SPTLC1: variants seen among roughly 807,000 people sequenced by gnomAD.
SPTLC1 encodes serine palmitoyltransferase 1.
In SPTLC1, 55 loss-of-function variants were observed where a neutral mutation model predicts 68.9. That is an observed-to-expected ratio of 0.80 (90% CI 0.64 to 1.00). The LOEUF is 1.00. Among genes scored for constraint, SPTLC1 ranks in the 50% least tolerant of loss-of-function variants. SPTLC1 has a pLI of 0.00. For synonymous variants in SPTLC1, 197 were observed against 201.6 expected (o/e 0.98, Z 0.19); for missense variants, 449 against 573.1 (o/e 0.78, Z 2.21).
intron 12 of SPTLC1, among the ~76,000 whole-genome samples, chr9:92,045,038 G>C (rs1045509399): frequency 2.6e-5 from 4 of 152,128 alleles, no homozygotes; most frequent in African/African-American, 9.7e-5. Flanking sequence ...CAAACCAATG[G>C]AACTGGAACC....
chr9:92,068,407 G>A (rs1015941777), intron 5 of SPTLC1, among the ~76,000 whole-genome samples: 1 of 152,210 alleles, frequency 6.6e-6, no homozygotes, highest in African/African-American at 2.4e-5. Context: ...AAGTTTCCCT[G>A]CATTAACTGT....
chr9:92,106,517 C>T (rs1295160821), intron 3 of SPTLC1, among the ~76,000 whole-genome samples: 2 of 151,056 alleles, frequency 1.3e-5, no homozygotes, highest in African/African-American at 2.4e-5. Flanking sequence ...ACTGCAGTGG[C>T]ACCCAGCCTG....
Position 92,034,456 on chromosome 9 carries a change from C to T in SPTLC1, c.1328+354G>A, listed in dbSNP as rs141388399. Among the ~76,000 whole-genome samples, 23 of 152,306 alleles carry T rather than the reference C, an allele frequency of 1.5e-4. 2 individuals carry two copies. The East Asian group carries it at 2.7e-3, about 18-fold the overall frequency. ...CATGCCCACCCCCACCCCACACTGCCGATCTTCCCTGCAGGACGGTCCTTG... is the reference window on the plus strand; with the variant it reads ...CATGCCCACCCCCACCCCACACTGCTGATCTTCCCTGCAGGACGGTCCTTG... On this transcript the variant is annotated intron_variant, in intron 14 of 14. Transcript: ENST00000262554.
chr9:92,090,933 T>C (rs1284678617), intron 3 of SPTLC1, among the ~76,000 whole-genome samples: 1 of 152,126 alleles, frequency 6.6e-6, no homozygotes, highest in African/African-American at 2.4e-5. Flanking sequence ...GAACACAGGA[T>C]GGTAACCTGG....
intron 5 of SPTLC1, among the ~76,000 whole-genome samples, chr9:92,071,213 A>G (rs1304917391): frequency 2.7e-5 from 4 of 150,826 alleles, no homozygotes; most frequent in African/African-American, 7.3e-5. Flanking sequence ...AAAACGGAGA[A>G]ACCCTATCTC....
intron 3 of SPTLC1, among the ~76,000 whole-genome samples, chr9:92,096,164 T>G (rs547916187): frequency 2.8e-4 from 42 of 152,230 alleles, no homozygotes; most frequent in African/African-American, 9.9e-4. Context: ...AGAGGACTCC[T>G]CTCCTGGGAA....
Position 92,050,197 on chromosome 9 carries a change from C to T in SPTLC1, c.781-130G>A, listed in dbSNP as rs1027851786. On this transcript the variant is annotated intron_variant, in intron 8 of 14. Coordinates refer to ENST00000262554, the MANE Select transcript of SPTLC1 (RefSeq NM_006415.4). ...CTTGTGAATTCTATATGTGCAAATT[C>T]ATCTACTTATTAAAACTTATTTGCA... The T allele has an allele frequency of 2.1e-5, 14 of 676,166 alleles. No individual in the cohort carries two copies. In the African/African-American group the frequency reaches 2.5e-4, roughly 12 times the overall value. 41.9% of individuals were successfully genotyped at this position (676,166 alleles called of 1,614,324 possible).
chr9:92,078,919 TA>T (rs1172164312), intron 5 of SPTLC1: 1 of 384,310 alleles, frequency 2.6e-6, no homozygotes, highest in African/African-American at 2.2e-5. Context: ...ATCACAAAAG[TA>T]AAAAACTTAA....
chr9:92,110,420 T>C (rs1444213996), intron 2 of SPTLC1: 1 of 152,192 alleles, frequency 6.6e-6, no homozygotes, highest in Non-Finnish European at 1.5e-5. Flanking sequence ...AATAACCTTA[T>C]ACTAATAATC....
chr9:92,055,488 G>A lies in SPTLC1; in HGVS notation c.697C>T (p.Arg233Cys), dbSNP rs561346006. Residue 233 changes from arginine (R) to cysteine (C), a missense_variant, in exon 8 of 15, where the codon CGC (arginine) becomes TGC (cysteine). Coordinates refer to ENST00000262554, the MANE Select transcript of SPTLC1 (RefSeq NM_006415.4). Reference protein sequence around the residue: ...EQEIEDQKNPRKARVTRRFIV... With the variant: ...EQEIEDQKNPCKARVTRRFIV... Reference sequence around the variant, plus strand: ...AAACGCCGAGTTACACGAGCCTTGCGAGGATTCTTTAAAAGAGAAAAAGCA... The same window carrying A: ...AAACGCCGAGTTACACGAGCCTTGCAAGGATTCTTTAAAAGAGAAAAAGCA... The A allele has an allele frequency of 9.3e-6, 15 of 1,613,384 alleles. No individual in the cohort carries two copies. The highest frequency in any genetic ancestry group is 2.2e-5 in the East Asian group (1 of 44,884).
chr9:92,035,412 G>C (rs1006708738), intron 13 of SPTLC1, among the ~76,000 whole-genome samples: 1 of 152,170 alleles, frequency 6.6e-6, no homozygotes, highest in African/African-American at 2.4e-5. Flanking sequence ...AGAATCTGGC[G>C]TTAACAAAGT....
At chr9:92,108,709 A>G in intron 3 of SPTLC1, 31 bp downstream of exon 3, 3 of 1,582,190 alleles carry the variant, frequency 1.9e-6, no homozygotes, top group Non-Finnish European at 1.7e-6. Context: ...GAAGCCAAAT[A>G]CAAGTACTTC....
chr9:92,109,067 A>C, intron 2 of SPTLC1: 1 of 435,356 alleles, frequency 2.3e-6, no homozygotes. Context: ...TTGACCACTA[A>C]CAGGAGCTCT....
chr9:92,096,869 T>C (rs755348212), intron 3 of SPTLC1, among the ~76,000 whole-genome samples: 72 of 151,428 alleles, frequency 4.8e-4, no homozygotes, highest in Non-Finnish European at 8.7e-4. Context: ...AAGATCACTA[T>C]CAAAGAAGTA....
At chr9:92,057,639 C>G (rs1833942690) in intron 7 of SPTLC1, among the ~76,000 whole-genome samples, 1 of 152,148 alleles carries the variant, frequency 6.6e-6, no homozygotes, top group South Asian at 2.1e-4. Flanking sequence ...ATCCACTGAC[C>G]ATTATGGGAA....
At chr9:92,037,568 C>T (rs1027377158) in intron 13 of SPTLC1, among the ~76,000 whole-genome samples, 1 of 152,182 alleles carries the variant, frequency 6.6e-6, no homozygotes, top group African/African-American at 2.4e-5. Flanking sequence ...AAAGAAACTT[C>T]TGTTGGCTCT....
chr9:92,082,947 T>C (rs1463178744), intron 3 of SPTLC1, among the ~76,000 whole-genome samples: 3 of 152,346 alleles, frequency 2.0e-5, no homozygotes, highest in Middle Eastern at 3.4e-3. Flanking sequence ...TGGTGTGAGA[T>C]GGTATCTCAT....
At chr9:92,049,936 C>T (rs749328166) in intron 9 of SPTLC1, 24 bp downstream of exon 9, 5 of 1,441,220 alleles carry the variant, frequency 3.5e-6, no homozygotes, top group East Asian at 2.3e-5. Context: ...AGAGGGGAAA[C>T]GTTCTTAAAA....
intron 6 of SPTLC1, among the ~76,000 whole-genome samples, chr9:92,063,900 T>G (rs1048194017): frequency 6.6e-6 from 1 of 152,166 alleles, no homozygotes; most frequent in Admixed American, 6.5e-5. Context: ...GCACGTAACA[T>G]TATACTTATT....
Sources: gnomAD v4.1 joint callset for allele counts (sites outside exome capture counted in the v4.1 genomes callset) on GRCh38, gnomAD v4.1.1 for gene constraint, MANE v1.5 for transcripts, NCBI Gene and HGNC (gene_info 2026-07-23, HGNC 2026-07-21) for gene names.